Variants in MB21D2 observed in about 807,000 individuals in gnomAD.
MB21D2 encodes Mab-21 domain containing 2.
Under a neutral mutation model 33.3 loss-of-function variants are expected in MB21D2, and 9 were observed. The ratio of observed to expected loss-of-function variants is 0.27; its 90% CI spans 0.16 to 0.47. The LOEUF (loss-of-function observed/expected upper bound fraction) is 0.47, where lower values mean the gene tolerates loss of function less well. Among genes scored for constraint, MB21D2 ranks in the 20% least tolerant of loss-of-function variants. The pLI, the probability that MB21D2 is intolerant of heterozygous loss-of-function variation, is 0.99. For synonymous variants in MB21D2, 241 were observed against 236.3 expected, an observed-to-expected ratio of 1.02 and a Z score of -0.18; for missense variants, 540 against 624.6, an observed-to-expected ratio of 0.86 and a Z score of 1.44.
chr3:192,848,339 A>G (rs1226223781), intron 1 of MB21D2, among the ~76,000 whole-genome samples: 1 of 152,220 alleles, frequency 6.6e-6, no homozygotes, highest in Admixed American at 6.5e-5. Flanking sequence ...ATGGGGAGGG[A>G]AGAAAGGAGT....
At chr3:192,874,619 G>T (rs1209990685) in intron 1 of MB21D2, among the ~76,000 whole-genome samples, 1 of 152,146 alleles carries the variant, frequency 6.6e-6, no homozygotes, top group Non-Finnish European at 1.5e-5. Flanking sequence ...GTCTGTGCTG[G>T]ATATCCTGTG....
At position 192,799,777 on chromosome 3, in the gene MB21D2, G is replaced by A; in HGVS notation, c.212-127C>T. ...ATTATCAGTACTAAATCAAATCTCA[G>A]GCTGCTGCAGAGACCTGGCCAACAG... On this transcript the variant is annotated intron_variant, in intron 1 of 1. Coordinates refer to ENST00000392452, the MANE Select transcript of MB21D2 (RefSeq NM_178496.4). This position sits in a 1 kb window ranked among gnomAD's most constrained non-coding sequence, Gnocchi z 4.1. The A allele has an allele frequency of 9.7e-7, 1 of 1,025,900 alleles. No individual in the cohort carries two copies. Among genetic ancestry groups the A allele is most frequent in the Non-Finnish European group, 1.4e-6 (1 of 726,384 alleles). The allele number at this position is 1,025,900 out of a possible 1,614,324, so 63.5% of individuals were successfully genotyped here.
At chr3:192,877,949 C>G (rs1713470366) in intron 1 of MB21D2, among the ~76,000 whole-genome samples, 5 of 151,616 alleles carry the variant, frequency 3.3e-5, no homozygotes, top group Admixed American at 3.3e-4. Flanking sequence ...TCATTACCCT[C>G]CTTTCACATG....
chr3:192,838,428 CT>C (rs55769534), intron 1 of MB21D2, among the ~76,000 whole-genome samples: 55,203 of 123,796 alleles, frequency 0.45, 10,871 homozygotes, highest in East Asian at 0.69. Context: ...AATCTGTGGA[CT>C]TTTTTTTTTT....
rs1714496015 is a variant in MB21D2 at position 192,917,539 on chromosome 3, G to A, written c.211+91C>T. ...ACCGGCTCGGGAAGGCAACCCAGAA[G>A]GGAAGAGGTCGAGAAGCGGCAATGG... On this transcript the variant is annotated intron_variant, in intron 1 of 1. Transcript: ENST00000392452. 4 of 1,392,096 alleles carry A rather than the reference G, an allele frequency of 2.9e-6. No individual in the cohort carries two copies. In the South Asian group the frequency reaches 3.8e-5, roughly 13 times the overall value. 86.2% of individuals were successfully genotyped at this position (1,392,096 alleles called of 1,614,324 possible).
intron 1 of MB21D2, among the ~76,000 whole-genome samples, chr3:192,802,029 T>G (rs540889317): frequency 1.3e-5 from 2 of 152,282 alleles, no homozygotes; most frequent in African/African-American, 4.8e-5. Context: ...TTTCTCACAC[T>G]ATCTGCACTG....
At chr3:192,895,320 T>C (rs1713942729) in intron 1 of MB21D2, among the ~76,000 whole-genome samples, 1 of 152,182 alleles carries the variant, frequency 6.6e-6, no homozygotes, top group Non-Finnish European at 1.5e-5. Flanking sequence ...CACCCAGACA[T>C]AGTCCCCCAT....
At chr3:192,836,568 G>A (rs1262648571) in intron 1 of MB21D2, among the ~76,000 whole-genome samples, 3 of 152,178 alleles carry the variant, frequency 2.0e-5, no homozygotes, top group African/African-American at 4.8e-5. Context: ...CACAGAAGGC[G>A]GCCATGTGAG....
chr3:192,832,008 C>G (rs535677989), intron 1 of MB21D2, among the ~76,000 whole-genome samples: 1 of 152,164 alleles, frequency 6.6e-6, no homozygotes, highest in Non-Finnish European at 1.5e-5. Context: ...ATGACTGCTA[C>G]AAAGCCCAGC....
At chr3:192,885,761 T>C (rs529462129) in intron 1 of MB21D2, among the ~76,000 whole-genome samples, 5 of 152,160 alleles carry the variant, frequency 3.3e-5, no homozygotes, top group Admixed American at 3.3e-4. Context: ...CAAATCTTCC[T>C]TGGAAGCAGG....
At chr3:192,854,756 G>C (rs768279087) in intron 1 of MB21D2, among the ~76,000 whole-genome samples, 1 of 152,172 alleles carries the variant, frequency 6.6e-6, no homozygotes, top group Non-Finnish European at 1.5e-5. Flanking sequence ...CTACCATTCC[G>C]AAAATCCTAA....
At position 192,827,347 on chromosome 3, in the gene MB21D2, C is replaced by G. The variant is rs1712199215; in HGVS notation, c.212-27697G>C. Among the ~76,000 whole-genome samples, 3 of 152,024 alleles carry G rather than the reference C, an allele frequency of 2.0e-5. No homozygotes were observed. The South Asian group carries it at 6.2e-4, about 31-fold the overall frequency. ...TCGTTTATTGAAATTGACTCATGAC[C>G]ACTGGTCTGCCCAGCTGGTATAATC... On this transcript the variant is annotated intron_variant, in intron 1 of 1. Coordinates refer to ENST00000392452, the MANE Select transcript of MB21D2 (RefSeq NM_178496.4).
Position 192,828,117 on chromosome 3 carries a change from T to C in MB21D2, c.212-28467A>G, listed in dbSNP as rs1002245005. Among the ~76,000 whole-genome samples, 6 of 152,134 alleles carry C rather than the reference T, an allele frequency of 3.9e-5. No individual in the cohort carries two copies. The East Asian group carries it at 1.2e-3, about 29-fold the overall frequency. ...CTCCCCAGCCATGTGGAACTGTGAG[T>C]CCATTAAACCTCTTTTTTCTTTATA... is the stretch of plus-strand genomic sequence containing the variant. On this transcript the variant is annotated intron_variant, in intron 1 of 1. Transcript: ENST00000392452.
At chr3:192,900,189 C>T (rs1714063520) in intron 1 of MB21D2, among the ~76,000 whole-genome samples, 2 of 149,018 alleles carry the variant, frequency 1.3e-5, no homozygotes, top group Non-Finnish European at 3.0e-5. Context: ...GAGGCTGAAG[C>T]AGGAGAATGG....
intron 1 of MB21D2, among the ~76,000 whole-genome samples, chr3:192,858,806 A>G (rs1712973953): frequency 1.3e-5 from 2 of 152,172 alleles, no homozygotes; most frequent in Admixed American, 1.3e-4. Flanking sequence ...AAGACAATAT[A>G]CTTCTATTTA....
chr3:192,813,261 T>C (rs1213651814), intron 1 of MB21D2, among the ~76,000 whole-genome samples: 1 of 151,952 alleles, frequency 6.6e-6, no homozygotes, highest in Non-Finnish European at 1.5e-5. Context: ...CAGGAGCTCT[T>C]TGCAAGGCAG....
At chr3:192,853,927 A>C (rs534785576) in intron 1 of MB21D2, among the ~76,000 whole-genome samples, 12 of 152,170 alleles carry the variant, frequency 7.9e-5, no homozygotes, top group Non-Finnish European at 1.8e-4. Flanking sequence ...GTCTTGGGGC[A>C]CCATGAATCA....
chr3:192,828,798 G>A (rs565681713), intron 1 of MB21D2, among the ~76,000 whole-genome samples: 5 of 150,246 alleles, frequency 3.3e-5, no homozygotes, highest in East Asian at 2.0e-4. Flanking sequence ...ACAGGCGCCC[G>A]CCATCACACC....
chr3:192,880,201 G>GGAATCGTGCTACATAACAA (rs1560248391), intron 1 of MB21D2, among the ~76,000 whole-genome samples: 9 of 151,900 alleles, frequency 5.9e-5, no homozygotes, highest in African/African-American at 1.9e-4. Context: ...AAAAAAATTA[G>GGAATCGTGCTACATAACAA]CCAGGCGTGG....
Sources: gnomAD v4.1 joint callset for allele counts (sites outside exome capture counted in the v4.1 genomes callset) on GRCh38, gnomAD v4.1.1 for gene constraint, Gnocchi (gnomAD v3.1) non-coding constraint, MANE v1.5 for transcripts, NCBI Gene and HGNC (gene_info 2026-07-23, HGNC 2026-07-21) for gene names.